The following PTGER3 variants were observed in gnomAD, a reference collection of about 807,000 sequenced individuals.
PTGER3 encodes prostaglandin E receptor 3, also known as prostaglandin E2 receptor EP3 subtype.
PTGER3 carries 22 observed loss-of-function variants against 34.7 expected under a neutral mutation model. The ratio of observed to expected loss-of-function variants is 0.63; its 90% CI spans 0.45 to 0.91. The LOEUF (loss-of-function observed/expected upper bound fraction) is 0.91. Ranked by LOEUF, PTGER3 falls within the 40% of genes least tolerant of loss-of-function variation. The pLI, the probability that PTGER3 is intolerant of heterozygous loss-of-function variation, is 0.00. For synonymous variants in PTGER3, 241 were observed against 230.1 expected (o/e 1.05, Z -0.43); for missense variants, 468 against 519.4 (o/e 0.90, Z 0.96).
chr1:71,024,330 T>C (rs1306176484), intron 1 of PTGER3, among the ~76,000 whole-genome samples: 1 of 152,190 alleles, frequency 6.6e-6, no homozygotes, highest in Non-Finnish European at 1.5e-5. Flanking sequence ...GATATTTCTC[T>C]TGACAAAAGC....
chr1:70,852,743 T>G lies in PTGER3; in HGVS notation c.*140A>C. 9 of 1,422,784 alleles carry G rather than the reference T, an allele frequency of 6.3e-6. No homozygotes were observed. The South Asian group carries it at 1.1e-4, about 17-fold the overall frequency. The allele number at this position is 1,422,784 out of a possible 1,614,324, so 88.1% of individuals were successfully genotyped here. A position where few individuals can be genotyped will look rare whatever the true frequency, so the allele number is the denominator to read the frequency against. On this transcript the variant is annotated 3_prime_UTR_variant, in exon 5 of 5. Transcript: ENST00000370931. The stretch of plus-strand genomic sequence containing the variant: ...GCTTGGGGGAAGAAGTAAAAGAGAA[T>G]AGTTTGGGAGGTGGGTGTTTCTGTG...
At chr1:70,994,936 G>A (rs1655801011) in intron 2 of PTGER3, among the ~76,000 whole-genome samples, 1 of 152,098 alleles carries the variant, frequency 6.6e-6, no homozygotes, top group Non-Finnish European at 1.5e-5. Flanking sequence ...GGAAGTGGGA[G>A]GGACTGGGAC....
chr1:70,928,894 C>CTAT (rs1648409046), intron 4 of PTGER3, among the ~76,000 whole-genome samples: 1 of 146,694 alleles, frequency 6.8e-6, no homozygotes, highest in Non-Finnish European at 1.5e-5. Context: ...CACACACACA[C>CTAT]ACTATATATA....
At chr1:70,901,124 C>A (rs1039590204) in intron 4 of PTGER3, among the ~76,000 whole-genome samples, 2 of 152,170 alleles carry the variant, frequency 1.3e-5, no homozygotes, top group Non-Finnish European at 2.9e-5. Context: ...AGATCTCATT[C>A]TGAGTTTAGA....
chr1:70,953,175 A>G (rs762839704), intron 3 of PTGER3: 2 of 891,066 alleles, frequency 2.2e-6, no homozygotes, highest in Non-Finnish European at 3.2e-6. Context: ...CAACATTTAC[A>G]TTGTATTAGG....
At chr1:70,891,217 AG>A (rs1309272294) in intron 4 of PTGER3, among the ~76,000 whole-genome samples, 1 of 152,208 alleles carries the variant, frequency 6.6e-6, no homozygotes, top group African/African-American at 2.4e-5. Context: ...TTCCAGCAGC[AG>A]GGACTATCAG....
rs57513190 is a variant in PTGER3, at chr1:70,981,320, CTTCTTTCTTTCT to C, written c.1078-6944_1078-6933del. ...CCTTCCTTCCTTCCTTCCTTCCTTT[CTTCTTTCTTTCT>C]TTCTTTCTTTCTTTCTTTCTTTCTT... On this transcript the variant is annotated intron_variant, in intron 2 of 3. Coordinates refer to ENST00000306666, the MANE Select transcript of PTGER3 (RefSeq NM_198719.2). 6.3e-3 allele frequency among the ~76,000 whole-genome samples: 446 copies of C among 71,068 alleles called. 3 individuals are homozygous for C. The highest frequency in any genetic ancestry group is 0.018 in the African/African-American group (317 of 17,508). The allele number at this position is 71,068 out of a possible 152,430, so 46.6% of individuals were successfully genotyped here. A position where few individuals can be genotyped will look rare whatever the true frequency, so the allele number is the denominator to read the frequency against.
chr1:70,910,361 G>T (rs1647035667), intron 4 of PTGER3, among the ~76,000 whole-genome samples: 1 of 152,078 alleles, frequency 6.6e-6, no homozygotes, highest in Admixed American at 6.6e-5. Context: ...ATTACACCCA[G>T]GTTGGTGAAC....
intron 4 of PTGER3, among the ~76,000 whole-genome samples, chr1:70,924,308 A>G (rs1647843124): frequency 6.6e-6 from 1 of 152,218 alleles, no homozygotes; most frequent in South Asian, 2.1e-4. Flanking sequence ...AATCAATCTT[A>G]CCATGATTTG....
rs1421098764 is a variant in PTGER3 at position 70,954,514 on chromosome 1, A to C, written c.1078-725T>G. Among the ~76,000 whole-genome samples, 5 of 152,188 alleles carry C rather than the reference A, an allele frequency of 3.3e-5. No homozygotes were observed. The East Asian group carries it at 9.6e-4, about 29-fold the overall frequency. ...ATAGTCTCCTCATATTAATCCTCAC[A>C]GCAATCCTGCAAATGGGCATTAAGA... On this transcript the variant is annotated intron_variant, in intron 2 of 3. Transcript: ENST00000356595.
Position 71,028,571 on chromosome 1 carries a change from T to C in PTGER3, c.898-16087A>G, listed in dbSNP as rs183910356. The stretch of plus-strand genomic sequence containing the variant: ...GCATTATGTTTTTTCCTTTGTTTTT[T>C]ATTTTTTACTATGTTTCCCTATTGT... On this transcript the variant is annotated intron_variant, in intron 1 of 3. Coordinates refer to ENST00000306666, the MANE Select transcript of PTGER3 (RefSeq NM_198719.2). Among the ~76,000 whole-genome samples, 273 of 152,364 alleles carry C rather than the reference T, an allele frequency of 1.8e-3. 1 individual carries two copies. The highest frequency in any genetic ancestry group is 3.1e-3 in the Non-Finnish European group (213 of 68,038).
At chr1:71,005,929 G>A (rs1029477254) in intron 2 of PTGER3, 10 of 694,384 alleles carry the variant, frequency 1.4e-5, no homozygotes, top group South Asian at 6.5e-5. Flanking sequence ...GGCACAGAGC[G>A]ATGTTTCGAT....
intron 1 of PTGER3, 136 bp from the exon 2 acceptor site, chr1:71,012,620 AC>A: frequency 1.4e-6 from 1 of 723,064 alleles, no homozygotes; most frequent in Non-Finnish European, 2.2e-6. Flanking sequence ...CAACATTTAT[AC>A]TTGGATAACA....
At chr1:70,975,375 A>G (rs1009943079) in intron 2 of PTGER3, among the ~76,000 whole-genome samples, 3 of 152,174 alleles carry the variant, frequency 2.0e-5, no homozygotes, top group Non-Finnish European at 4.4e-5. Context: ...TTTTTTTTAT[A>G]AATTTCTCAG....
chr1:70,980,832 C>G (rs545889584), intron 2 of PTGER3, among the ~76,000 whole-genome samples: 1 of 152,232 alleles, frequency 6.6e-6, no homozygotes, highest in Admixed American at 6.5e-5. Context: ...GGGGCAACTA[C>G]AGGTCGCCTA....
At chr1:71,034,375 G>T (rs954468132) in intron 1 of PTGER3, among the ~76,000 whole-genome samples, 4 of 152,026 alleles carry the variant, frequency 2.6e-5, no homozygotes, top group African/African-American at 7.2e-5. Flanking sequence ...GCTACCTTTT[G>T]TTCACATAAA....
At chr1:70,975,571 G>A (rs774604141) in intron 2 of PTGER3, among the ~76,000 whole-genome samples, 1 of 152,004 alleles carries the variant, frequency 6.6e-6, no homozygotes, top group Non-Finnish European at 1.5e-5. Flanking sequence ...AAGTGGCATG[G>A]CATTATACAA....
intron 4 of PTGER3, among the ~76,000 whole-genome samples, chr1:70,864,666 G>A (rs1646002193): frequency 6.6e-6 from 1 of 152,126 alleles, no homozygotes; most frequent in Admixed American, 6.6e-5. Flanking sequence ...GCTCACAGTT[G>A]GCAATCATCA....
intron 4 of PTGER3, among the ~76,000 whole-genome samples, chr1:70,914,217 G>GA (rs954772581): frequency 4.6e-5 from 7 of 151,890 alleles, no homozygotes; most frequent in South Asian, 2.1e-4. Context: ...TGAATCATGT[G>GA]AAGGATGAGT....
Sources: allele counts gnomAD v4.1 joint callset (sites outside exome capture counted in the v4.1 genomes callset), GRCh38; gene constraint gnomAD v4.1.1; transcripts MANE v1.5; gene names NCBI Gene and HGNC (gene_info 2026-07-23, HGNC 2026-07-21).